Variants in CSMD3 observed in about 807,000 individuals in gnomAD.
CSMD3 encodes the protein CUB and sushi domain-containing protein 3.
A neutral mutation model predicts 435.2 loss-of-function variants in CSMD3; 177 were observed. The observed-to-expected ratio is 0.41, with a 90% CI of 0.36 to 0.46. The LOEUF (loss-of-function observed/expected upper bound fraction) is 0.46, where lower values mean the gene tolerates loss of function less well. Among genes scored for constraint, CSMD3 ranks in the 20% least tolerant of loss-of-function variants. The pLI, the probability that CSMD3 is intolerant of heterozygous loss-of-function variation, is 0.34. For synonymous variants in CSMD3, 1,656 were observed against 1,520.5 expected, an observed-to-expected ratio of 1.09 and a Z score of -2.07; for missense variants, 4,265 against 4,504.6, an observed-to-expected ratio of 0.95 and a Z score of 1.52.
At chr8:113,374,172 A>G (rs950038019) in intron 1 of CSMD3, among the ~76,000 whole-genome samples, 6 of 152,206 alleles carry the variant, frequency 3.9e-5, no homozygotes, top group African/African-American at 1.4e-4. Context: ...ACAATCATAT[A>G]TATACACACT....
chr8:113,161,263 A>T (rs2092033889), intron 4 of CSMD3, among the ~76,000 whole-genome samples: 1 of 152,110 alleles, frequency 6.6e-6, no homozygotes, highest in Non-Finnish European at 1.5e-5. Context: ...CATCATTGGA[A>T]AGTTGCAAAG....
chr8:112,611,106 G>A (rs1303012810), intron 22 of CSMD3, among the ~76,000 whole-genome samples: 1 of 152,158 alleles, frequency 6.6e-6, no homozygotes, highest in African/African-American at 2.4e-5. Flanking sequence ...AAATCAGTAT[G>A]TGAACAATTC....
At chr8:113,030,051 C>T (rs2087026936) in intron 5 of CSMD3, among the ~76,000 whole-genome samples, 1 of 151,232 alleles carries the variant, frequency 6.6e-6, no homozygotes. Flanking sequence ...AAATAAAATA[C>T]TTAGGAATAC....
intron 1 of CSMD3, among the ~76,000 whole-genome samples, chr8:113,357,798 G>A (rs556709182): frequency 2.0e-5 from 3 of 152,190 alleles, no homozygotes; most frequent in African/African-American, 2.4e-5. Context: ...GTTTAAAGGT[G>A]TATAGCACTT....
intron 3 of CSMD3, among the ~76,000 whole-genome samples, chr8:113,225,602 T>C (rs762479851): frequency 6.6e-6 from 1 of 151,492 alleles, no homozygotes; most frequent in African/African-American, 2.4e-5. Flanking sequence ...GTACACTGAC[T>C]AAACAAATGT....
intron 4 of CSMD3, among the ~76,000 whole-genome samples, chr8:113,163,924 T>A (rs1296153088): frequency 6.6e-6 from 1 of 152,042 alleles, no homozygotes; most frequent in African/African-American, 2.4e-5. Context: ...CCTCTCATAT[T>A]ACTAATATTG....
intron 1 of CSMD3, among the ~76,000 whole-genome samples, chr8:113,320,622 A>G (rs528077271): frequency 6.6e-6 from 1 of 152,196 alleles, no homozygotes; most frequent in East Asian, 1.9e-4. Flanking sequence ...TTTCAAAATC[A>G]GTTCTTTTTT....
At chr8:112,898,173 C>T (rs1564080034) in intron 10 of CSMD3, among the ~76,000 whole-genome samples, 1 of 151,106 alleles carries the variant, frequency 6.6e-6, no homozygotes, top group Non-Finnish European at 1.5e-5. Context: ...TAAAAACCAA[C>T]AGGAGAAAAG....
chr8:112,712,367 T>C (rs1324725883), intron 13 of CSMD3, among the ~76,000 whole-genome samples: 2 of 152,196 alleles, frequency 1.3e-5, no homozygotes, highest in African/African-American at 4.8e-5. Flanking sequence ...TAATTTAGTT[T>C]CTATTAAACA....
intron 32 of CSMD3, among the ~76,000 whole-genome samples, chr8:112,414,545 T>C (rs905194363): frequency 5.3e-5 from 8 of 152,210 alleles, no homozygotes; most frequent in African/African-American, 1.4e-4. Flanking sequence ...TATTTCTTCA[T>C]AGCAGTGTGA....
intron 59 of CSMD3, among the ~76,000 whole-genome samples, chr8:112,278,264 A>G (rs554582749): frequency 6.6e-6 from 1 of 152,256 alleles, no homozygotes; most frequent in South Asian, 2.1e-4. Flanking sequence ...CCACCTGGCT[A>G]GAGAGTGCTT....
chr8:112,242,454 A>T (rs980837259), intron 65 of CSMD3, among the ~76,000 whole-genome samples: 3 of 152,132 alleles, frequency 2.0e-5, no homozygotes, highest in Admixed American at 6.6e-5. Context: ...AACTTTGGAA[A>T]GCAGCAAGTA....
chr8:113,399,782 T>A (rs1034811490), intron 1 of CSMD3, among the ~76,000 whole-genome samples: 2 of 151,936 alleles, frequency 1.3e-5, no homozygotes, highest in East Asian at 3.9e-4. Context: ...AGATACTGAA[T>A]TGTGCATTTT....
At chr8:112,355,749 C>G (rs973600435) in intron 38 of CSMD3, among the ~76,000 whole-genome samples, 3 of 152,026 alleles carry the variant, frequency 2.0e-5, no homozygotes, top group Non-Finnish European at 4.4e-5. Flanking sequence ...AGGAGAACGG[C>G]ATGAACCCAG....
intron 22 of CSMD3, among the ~76,000 whole-genome samples, chr8:112,596,994 G>T (rs941160933): frequency 2.6e-5 from 4 of 152,126 alleles, no homozygotes; most frequent in Non-Finnish European, 4.4e-5. Context: ...AAAGCTAGCA[G>T]AAAGCAAGAA....
intron 2 of CSMD3, chr8:113,314,101 A>G (rs2093891338): frequency 6.6e-6 from 1 of 152,456 alleles, no homozygotes; most frequent in South Asian, 2.1e-4. Context: ...TGTAGTTTTC[A>G]GATATTTAGA....
At chr8:112,908,591 G>A (rs1205329628) in intron 10 of CSMD3, among the ~76,000 whole-genome samples, 3 of 151,412 alleles carry the variant, frequency 2.0e-5, no homozygotes, top group Non-Finnish European at 4.4e-5. Context: ...TTGCCTTAAT[G>A]AGGAAAAAAA....
At chr8:112,461,481 A>T (rs915280566) in intron 32 of CSMD3, among the ~76,000 whole-genome samples, 1 of 152,140 alleles carries the variant, frequency 6.6e-6, no homozygotes, top group African/African-American at 2.4e-5. Context: ...CTTAAAGAGA[A>T]GACCAACAAT....
intron 2 of CSMD3, among the ~76,000 whole-genome samples, chr8:113,279,637 G>GT (rs1036212623): frequency 1.3e-5 from 2 of 151,348 alleles, no homozygotes; most frequent in African/African-American, 2.4e-5. Flanking sequence ...GATTTGTTTT[G>GT]TTTTTTTAAT....
Sources: allele counts gnomAD v4.1 joint callset (sites outside exome capture counted in the v4.1 genomes callset), GRCh38; gene constraint gnomAD v4.1.1; transcripts MANE v1.5; gene names NCBI Gene and HGNC (gene_info 2026-07-23, HGNC 2026-07-21).